The following SUGCT variants were observed in gnomAD, a reference collection of about 807,000 sequenced individuals.
SUGCT encodes succinyl-CoA:glutarate CoA-transferase.
In SUGCT, 41 loss-of-function variants were observed where a neutral mutation model predicts 55.0. The observed-to-expected ratio is 0.74, with a 90% CI of 0.58 to 0.97. The LOEUF is 0.97. Ranked by LOEUF, SUGCT falls within the 50% of genes least tolerant of loss-of-function variation. The pLI, the probability that SUGCT is intolerant of heterozygous loss-of-function variation, is 0.00. For missense variants in SUGCT, 568 were observed against 547.8 expected (o/e 1.04, Z -0.37); for synonymous variants, 187 against 200.4 (o/e 0.93, Z 0.56).
chr7:40,217,036 G>A (rs1374085021), intron 6 of SUGCT, among the ~76,000 whole-genome samples: 2 of 151,856 alleles, frequency 1.3e-5, no homozygotes. Context: ...ATATTGAATG[G>A]CAAATTGTTT....
chr7:40,933,051 GT>G, the SUGCT span, among the ~76,000 whole-genome samples: 1 of 152,148 alleles, frequency 6.6e-6, no homozygotes, highest in Non-Finnish European at 1.5e-5. Flanking sequence ...AATTTGGCAT[GT>G]TTTTACAGTG....
rs143806156 is a variant in SUGCT, at chr7:40,787,517, A to G, written c.1153+38020A>G. Among the ~76,000 whole-genome samples the G allele has an allele frequency of 1.5e-3, 235 of 152,148 alleles. 2 individuals are homozygous for G. Among genetic ancestry groups the G allele is most frequent in the African/African-American group, 5.5e-3 (230 of 41,504 alleles). ...AGTAGATATTGGAGATAAATGTAAGACTGAAAGACAGAGAGAAGAAGGCAA... is the reference window on the plus strand; with the variant it reads ...AGTAGATATTGGAGATAAATGTAAGGCTGAAAGACAGAGAGAAGAAGGCAA... On this transcript the variant is annotated intron_variant, in intron 13 of 13. Coordinates refer to ENST00000335693, the MANE Select transcript of SUGCT (RefSeq NM_001193313.2).
At chr7:40,239,767 T>G (rs1584424765) in intron 7 of SUGCT, among the ~76,000 whole-genome samples, 1 of 152,248 alleles carries the variant, frequency 6.6e-6, no homozygotes, top group African/African-American at 2.4e-5. Context: ...CAAATAACAT[T>G]TATTGAGTGC....
intron 11 of SUGCT, among the ~76,000 whole-genome samples, chr7:40,481,316 T>G (rs193034581): frequency 5.6e-4 from 85 of 151,902 alleles, no homozygotes; most frequent in African/African-American, 2.0e-3. Context: ...GCAGCCTAGG[T>G]GACAGAGTGA....
At chr7:40,357,962 C>T (rs1222507196) in intron 9 of SUGCT, among the ~76,000 whole-genome samples, 1 of 152,128 alleles carries the variant, frequency 6.6e-6, no homozygotes, top group Non-Finnish European at 1.5e-5. Flanking sequence ...ATGTCAAAGA[C>T]ACCAAAAAAT....
At chr7:40,228,512 T>TG (rs1562593799) in intron 6 of SUGCT, among the ~76,000 whole-genome samples, 3 of 151,794 alleles carry the variant, frequency 2.0e-5, no homozygotes, top group African/African-American at 7.3e-5. Flanking sequence ...GTGTGTGTGT[T>TG]TTTGTTGTTT....
intron 9 of SUGCT, among the ~76,000 whole-genome samples, chr7:40,435,259 C>T (rs1188754182): frequency 1.3e-5 from 2 of 152,120 alleles, no homozygotes; most frequent in East Asian, 3.9e-4. Context: ...TAGGACATAC[C>T]TATAAATCCT....
chr7:40,362,185 G>A (rs1036222374), intron 9 of SUGCT, among the ~76,000 whole-genome samples: 43 of 152,154 alleles, frequency 2.8e-4, no homozygotes, highest in African/African-American at 9.6e-4. Flanking sequence ...TTGGGAGGCC[G>A]AGGTGGGCAG....
intron 11 of SUGCT, among the ~76,000 whole-genome samples, chr7:40,477,260 C>T (rs2151481271): frequency 6.6e-6 from 1 of 151,998 alleles, no homozygotes; most frequent in South Asian, 2.1e-4. Context: ...CTTTAGGAGT[C>T]ATTTAAAGGA....
intron 8 of SUGCT, among the ~76,000 whole-genome samples, chr7:40,289,485 G>A (rs547400380): frequency 6.6e-6 from 1 of 152,206 alleles, no homozygotes; most frequent in East Asian, 1.9e-4. Flanking sequence ...CAACAAATTA[G>A]GTATTGATGG....
At chr7:40,350,959 A>C (rs1228602819) in intron 9 of SUGCT, among the ~76,000 whole-genome samples, 16 of 152,152 alleles carry the variant, frequency 1.1e-4, no homozygotes. Flanking sequence ...CCAGCAAAGG[A>C]CATGAACCCA....
At chr7:40,823,031 T>C (rs1020241846) in intron 13 of SUGCT, among the ~76,000 whole-genome samples, 2 of 152,154 alleles carry the variant, frequency 1.3e-5, no homozygotes, top group Admixed American at 6.5e-5. Context: ...GCCACAAGCA[T>C]GCCTTGATTG....
intron 9 of SUGCT, among the ~76,000 whole-genome samples, chr7:40,438,928 G>A (rs919270467): frequency 1.3e-5 from 2 of 150,084 alleles, no homozygotes; most frequent in African/African-American, 4.9e-5. Context: ...CCTTTCTTGT[G>A]GGACCAAGTA....
At chr7:40,696,636 A>G (rs1268500579) in intron 12 of SUGCT, among the ~76,000 whole-genome samples, 2 of 152,164 alleles carry the variant, frequency 1.3e-5, no homozygotes, top group Non-Finnish European at 2.9e-5. Flanking sequence ...GCCACTAGGA[A>G]TGTTTGAGAA....
chr7:40,839,717 T>A (rs2128787641), intron 13 of SUGCT, among the ~76,000 whole-genome samples: 1 of 137,550 alleles, frequency 7.3e-6, no homozygotes, highest in Non-Finnish European at 1.5e-5. Context: ...GGATCTGGAG[T>A]GATGTCCCTT....
chr7:40,679,372 AGATG>A (rs1584261434), intron 12 of SUGCT, among the ~76,000 whole-genome samples: 1 of 126,096 alleles, frequency 7.9e-6, no homozygotes, highest in East Asian at 3.5e-4. Context: ...TGATAAGAAC[AGATG>A]ACCAGCTCAA....
In SUGCT at chr7:40,151,163, C is replaced by T. The variant is rs912960245; in HGVS notation, c.100+16043C>T. Among the ~76,000 whole-genome samples, 6 of 152,142 alleles carry T rather than the reference C, an allele frequency of 3.9e-5. No homozygotes were observed. The East Asian group carries it at 1.2e-3, about 29-fold the overall frequency. On this transcript the variant is annotated intron_variant, in intron 1 of 13. Transcript: ENST00000335693. ...GCTGAGGCAGGAGAATCGCTTGAAC[C>T]CGGGAGGCGGAGGTTGTAGTGAGCC...
At chr7:40,648,074 C>CA (rs1422922999) in intron 12 of SUGCT, among the ~76,000 whole-genome samples, 1 of 152,118 alleles carries the variant, frequency 6.6e-6, no homozygotes, top group Non-Finnish European at 1.5e-5. Flanking sequence ...GCAAAGACTA[C>CA]AAAAGTCTAG....
At chr7:40,920,108 C>T in the SUGCT span, among the ~76,000 whole-genome samples, 1 of 152,124 alleles carries the variant, frequency 6.6e-6, no homozygotes, top group Non-Finnish European at 1.5e-5. Context: ...TTAAAGGCCC[C>T]TCTGAGTGCT....
Sources: gnomAD v4.1 joint callset for allele counts (sites outside exome capture counted in the v4.1 genomes callset) on GRCh38, gnomAD v4.1.1 for gene constraint, MANE v1.5 for transcripts, NCBI Gene and HGNC (gene_info 2026-07-23, HGNC 2026-07-21) for gene names.